IP6K2: variants seen among roughly 807,000 people sequenced by gnomAD.
IP6K2 encodes the protein ATP:1D-myo-inositol-hexakisphosphate phosphotransferase.
A neutral mutation model predicts 43.3 loss-of-function variants in IP6K2; 9 were observed. That is an observed-to-expected ratio of 0.21 (90% CI 0.13 to 0.36). The LOEUF is 0.36. IP6K2 is among the 10% of genes least tolerant of loss of function. The pLI, the probability that IP6K2 is intolerant of heterozygous loss-of-function variation, is 1.00. For missense variants in IP6K2, 332 were observed against 538.4 expected (o/e 0.62, Z 3.79); for synonymous variants, 209 against 202.4 (o/e 1.03, Z -0.28).
In IP6K2 at chr3:48,694,591, T is replaced by G. The variant is rs1005521204; in HGVS notation, c.202+499A>C. 3.2e-5 allele frequency: 49 copies of G among 1,523,066 alleles called. 1 individual carries two copies. In the East Asian group the frequency reaches 1.2e-3, roughly 37 times the overall value. The allele number at this position is 1,523,066 out of a possible 1,614,324, so 94.3% of individuals were successfully genotyped here. On this transcript the variant is annotated intron_variant, in intron 2 of 5. Transcript: ENST00000328631. ...TGTGAATCGAAGGGTTGCTTTCATA[T>G]AGCAATTTTGGGGACATTCTGTAAC...
At chr3:48,702,670 C>T (rs567036603) in intron 1 of IP6K2, among the ~76,000 whole-genome samples, 1 of 152,236 alleles carries the variant, frequency 6.6e-6, no homozygotes, top group African/African-American at 2.4e-5. Flanking sequence ...AGTGCCACTC[C>T]CTGGGGCACC....
At chr3:48,708,800 G>A (rs2080134594) in intron 1 of IP6K2, among the ~76,000 whole-genome samples, 1 of 152,128 alleles carries the variant, frequency 6.6e-6, no homozygotes, top group African/African-American at 2.4e-5. Flanking sequence ...GGGCCCGTGT[G>A]GTGGCTCACA....
intron 1 of IP6K2, among the ~76,000 whole-genome samples, chr3:48,697,632 C>T (rs932844125): frequency 2.6e-5 from 4 of 151,122 alleles, no homozygotes; most frequent in African/African-American, 7.3e-5. Flanking sequence ...TGAGCTACTG[C>T]ACTTGGCCAA....
Position 48,688,235 on chromosome 3 carries a change from C to T in IP6K2, c.*38G>A. The T allele has an allele frequency of 6.3e-7, 1 of 1,599,482 alleles. No homozygotes were observed. Among genetic ancestry groups the T allele is most frequent in the Non-Finnish European group, 8.5e-7 (1 of 1,170,466 alleles). Reference sequence around the variant, plus strand: ...TGACGCAGCACAGCTGTGCCTGGGACACAGAGTCGCTCTCAAGTACTGGAG... The same window carrying T: ...TGACGCAGCACAGCTGTGCCTGGGATACAGAGTCGCTCTCAAGTACTGGAG... On this transcript the variant is annotated 3_prime_UTR_variant, in exon 6 of 6. Coordinates refer to ENST00000328631, the MANE Select transcript of IP6K2 (RefSeq NM_016291.4). This position sits in a 1 kb window ranked among gnomAD's most constrained non-coding sequence, Gnocchi z 5.1.
intron 1 of IP6K2, among the ~76,000 whole-genome samples, chr3:48,701,567 CAAAAAAAAAAAAA>C (rs67509214): frequency 4.8e-4 from 23 of 47,452 alleles, no homozygotes; most frequent in Non-Finnish European, 7.2e-4. Flanking sequence ...GACTCCGTCT[CAAAAAAAAAAAAA>C]AAAAAAAAAA....
intron 1 of IP6K2, among the ~76,000 whole-genome samples, chr3:48,716,681 C>T (rs1488435447): frequency 6.6e-6 from 1 of 152,130 alleles, no homozygotes; most frequent in East Asian, 1.9e-4. Context: ...TGCACATCTG[C>T]CGACCCCAGG....
At position 48,693,808 on chromosome 3, in the gene IP6K2, C is replaced by T. The variant is rs2078006283; in HGVS notation, c.203-629G>A. 3.7e-6 allele frequency: 4 copies of T among 1,081,686 alleles called. No individual in the cohort carries two copies. In the South Asian group the frequency reaches 1.0e-4, roughly 28 times the overall value. The allele number at this position is 1,081,686 out of a possible 1,614,324, so 67.0% of individuals were successfully genotyped here. ...GTTTTTATTGGTCTTTGCAGTCTCA[C>T]GTCACAAAATAACAAAATGAACACA... On this transcript the variant is annotated intron_variant, in intron 2 of 5. Coordinates refer to ENST00000328631, the MANE Select transcript of IP6K2 (RefSeq NM_016291.4).
At chr3:48,714,385 TTG>T (rs965888621) in intron 1 of IP6K2, among the ~76,000 whole-genome samples, 4 of 149,836 alleles carry the variant, frequency 2.7e-5, no homozygotes, top group African/African-American at 7.3e-5. Flanking sequence ...TTCCTTTTTT[TTG>T]TGTGTGTGTG....
At chr3:48,709,043 C>T (rs753910575) in intron 1 of IP6K2, among the ~76,000 whole-genome samples, 2 of 152,126 alleles carry the variant, frequency 1.3e-5, no homozygotes. Flanking sequence ...TACTCCAGCC[C>T]GGTGACAGAG....
At chr3:48,693,601 A>T in intron 2 of IP6K2, 3 of 1,161,142 alleles carry the variant, frequency 2.6e-6, no homozygotes, top group Non-Finnish European at 3.2e-6. Context: ...GAGCCTGAAT[A>T]CAGGGGGAAC....
intron 1 of IP6K2, among the ~76,000 whole-genome samples, chr3:48,708,998 G>A (rs2080161579): frequency 6.6e-6 from 1 of 152,200 alleles, no homozygotes; most frequent in Non-Finnish European, 1.5e-5. Flanking sequence ...AGGCTGCAAA[G>A]CTCAAGGTTA....
At chr3:48,696,558 G>T (rs1475976674) in intron 1 of IP6K2, among the ~76,000 whole-genome samples, 1 of 150,338 alleles carries the variant, frequency 6.7e-6, no homozygotes, top group African/African-American at 2.5e-5. Context: ...CCGCATCAAC[G>T]AAGCACATTT....
chr3:48,697,298 C>A (rs1011734513), intron 1 of IP6K2, among the ~76,000 whole-genome samples: 1 of 151,382 alleles, frequency 6.6e-6, no homozygotes, highest in Admixed American at 6.6e-5. Flanking sequence ...GGATTACAGG[C>A]GTGAGCCACC....
chr3:48,709,501 A>G (rs1189350546), intron 1 of IP6K2, among the ~76,000 whole-genome samples: 1 of 152,184 alleles, frequency 6.6e-6, no homozygotes, highest in Admixed American at 6.5e-5. Context: ...CTTCCAGACC[A>G]GCCCAGAAAA....
At chr3:48,689,828 C>T in intron 4 of IP6K2, 115 bp from the exon 5 acceptor site, 1 of 791,804 alleles carries the variant, frequency 1.3e-6, no homozygotes, top group Non-Finnish European at 2.0e-6. Flanking sequence ...CCACAGGAGA[C>T]TCCATTAGTC....
At chr3:48,694,551 T>C in intron 2 of IP6K2, 9 of 1,521,358 alleles carry the variant, frequency 5.9e-6, no homozygotes, top group Non-Finnish European at 7.9e-6. Flanking sequence ...TAAAAAGAAA[T>C]AAAAAATTAT....
Position 48,688,513 on chromosome 3 carries a change from T to C in IP6K2, c.1041A>G (p.Ser347=). ...GKERPEVVLD[S]DAEDLEDLSE... ...ACAGGTCCTCCAAATCCTCAGCATC[T>C]GAGTCCAGGACCACTTCGGGCCGCT... is the stretch of plus-strand genomic sequence containing the variant. The change falls in exon 6 of 6, where the codon TCA becomes TCG. Residue 347 remains serine, a synonymous_variant. Coordinates refer to ENST00000328631, the MANE Select transcript of IP6K2 (RefSeq NM_016291.4). This position sits in a 1 kb window ranked among gnomAD's most constrained non-coding sequence, Gnocchi z 5.1. The C allele has an allele frequency of 1.2e-6, 2 of 1,614,226 alleles. No individual in the cohort carries two copies. The highest frequency in any genetic ancestry group is 1.7e-6 in the Non-Finnish European group (2 of 1,180,044).
intron 2 of IP6K2, 52 bp from the exon 3 acceptor site, chr3:48,693,231 T>C (rs371787958): frequency 4.6e-5 from 67 of 1,444,270 alleles, no homozygotes; most frequent in Non-Finnish European, 6.4e-5. Context: ...GGAAGAAGCG[T>C]TGTAAGTAAC....
rs2077942163 is a variant in IP6K2, at chr3:48,693,049, T to G, written c.333A>C (p.Leu111=). ...NSDCEPKSKL[L]RWTTNKKHHV... ...GATGTTTTTTGTTTGTTGTCCACCT[T>G]AGGAGCTTACTTTTTGGTTCACAGT... The change falls in exon 3 of 6, where the codon CTA becomes CTC. Residue 111 remains leucine (L), a synonymous_variant. Transcript: ENST00000328631. 10 of 1,614,124 alleles carry G rather than the reference T, an allele frequency of 6.2e-6. No individual in the cohort carries two copies. Among genetic ancestry groups the G allele is most frequent in the South Asian group, 1.1e-5 (1 of 91,092 alleles).
Sources: allele counts gnomAD v4.1 joint callset (sites outside exome capture counted in the v4.1 genomes callset), GRCh38; gene constraint gnomAD v4.1.1; non-coding constraint Gnocchi (gnomAD v3.1); transcripts MANE v1.5; gene names NCBI Gene and HGNC (gene_info 2026-07-23, HGNC 2026-07-21).